The following ZNF662 variants were observed in gnomAD, a reference collection of about 807,000 sequenced individuals.
ZNF662 encodes the protein zinc finger protein 662.
In ZNF662, 14 loss-of-function variants were observed where a neutral mutation model predicts 12.4. That is an observed-to-expected ratio of 1.13 (90% CI 0.75 to 1.77). ZNF662 has a LOEUF of 1.77. Among genes scored for constraint, ZNF662 ranks in the 40% most tolerant of loss-of-function variants. ZNF662 has a pLI of 0.00. For missense variants in ZNF662, 550 were observed against 515.6 expected (o/e 1.07, Z -0.65); for synonymous variants, 184 against 176.4 (o/e 1.04, Z -0.34).
At chr3:42,912,657 T>TATATATATTTTTATATATATAA (rs1559381493) in intron 3 of ZNF662, among the ~76,000 whole-genome samples, 2 of 67,476 alleles carry the variant, frequency 3.0e-5, no homozygotes, top group African/African-American at 1.0e-4. Flanking sequence ...TATATAAATA[T>TATATATATTTTTATATATATAA]ATATATATAT....
In ZNF662 at chr3:42,914,883, T is replaced by C. The variant is rs1292203824; in HGVS notation, c.810T>C (p.His270=). ...ACCTGATTCGTCACCAGAGAATACA[T>C]ACTGGAGAGAAACCCTTTGAATGTA... The part of the protein sequence containing the change: ...KSNLIRHQRI[H]TGEKPFECKE... The change falls in exon 5 of 5, where the codon CAT becomes CAC. Residue 270 remains histidine (H), a synonymous_variant. Transcript: ENST00000440367. 9 of 1,614,152 alleles carry C rather than the reference T, an allele frequency of 5.6e-6. No homozygotes were observed. The highest frequency in any genetic ancestry group is 6.8e-6 in the Non-Finnish European group (8 of 1,180,020).
In ZNF662 at chr3:42,916,811, A is replaced by G. The variant is rs1245691281; in HGVS notation, c.*1457A>G. On this transcript the variant is annotated 3_prime_UTR_variant, in exon 5 of 5. Transcript: ENST00000440367. Reference sequence around the variant, plus strand: ...TGCTTCCTATCCTAAATCCTCTTCCAGTCTGTCCATCCCTCACTACCATGA... The same window carrying G: ...TGCTTCCTATCCTAAATCCTCTTCCGGTCTGTCCATCCCTCACTACCATGA... The G allele has an allele frequency of 6.6e-6, 1 of 152,146 alleles. No homozygotes were observed. Among genetic ancestry groups the G allele is most frequent in the Admixed American group, 6.5e-5 (1 of 15,276 alleles). 9.4% of individuals were successfully genotyped at this position (152,146 alleles called of 1,614,324 possible).
At position 42,914,603 on chromosome 3, in the gene ZNF662, ACCT is replaced by A. The variant is rs1315078355; in HGVS notation, c.534_536del (p.Leu179del). 5 of 1,614,116 alleles carry A rather than the reference ACCT, an allele frequency of 3.1e-6. No individual in the cohort carries two copies. In the Admixed American group the frequency reaches 8.3e-5, roughly 27 times the overall value. On this transcript the variant is annotated inframe_deletion, in exon 5 of 5. Coordinates refer to ENST00000440367, the MANE Select transcript of ZNF662 (RefSeq NM_207404.4). ...AGTTCAGGGAATACTGATGTCAATAACCTCCTTGGTATACATCACAAAATTCTA... is the reference window on the plus strand; with the variant it reads ...AGTTCAGGGAATACTGATGTCAATAACCTTGGTATACATCACAAAATTCTA...
chr3:42,917,377 A>G lies in ZNF662; in HGVS notation c.*2023A>G. The G allele has an allele frequency of 3.2e-6, 2 of 626,156 alleles. No homozygotes were observed. The highest frequency in any genetic ancestry group is 5.6e-6 in the Non-Finnish European group (2 of 355,194). 38.8% of individuals were successfully genotyped at this position (626,156 alleles called of 1,614,324 possible). On this transcript the variant is annotated 3_prime_UTR_variant, in exon 5 of 5. Transcript: ENST00000440367. ...ATCGAGAGCTACCAGAGGAGATATT[A>G]TCTGTCCTCTGTGTGGCACATAGGA... is the stretch of plus-strand genomic sequence containing the variant.
chr3:42,913,128 C>T lies in ZNF662; in HGVS notation c.152-73C>T, dbSNP rs527731227. On this transcript the variant is annotated intron_variant, in intron 3 of 4. Transcript: ENST00000440367. ...ACCTTTATTCTCTCCCTACCACTTC[C>T]ATGTCTGCTCTTTTCCTGATGGGCC... The T allele has an allele frequency of 3.0e-5, 32 of 1,064,792 alleles. No homozygotes were observed. The Admixed American group carries it at 3.0e-4, about 10-fold the overall frequency. 66.0% of individuals were successfully genotyped at this position (1,064,792 alleles called of 1,614,324 possible).
Position 42,912,638 on chromosome 3 carries a change from T to G in ZNF662, c.152-563T>G, listed in dbSNP as rs1347747565. Among the ~76,000 whole-genome samples, 13 of 75,022 alleles carry G rather than the reference T, an allele frequency of 1.7e-4. 1 individual carries two copies. The highest frequency in any genetic ancestry group is 7.5e-3 in the Middle Eastern group (1 of 134). 49.2% of individuals were successfully genotyped at this position (75,022 alleles called of 152,430 possible). ...TTTCTATAAAATATATATTTATATATTTTATATATATATAAATATATATAT... is the reference window on the plus strand; with the variant it reads ...TTTCTATAAAATATATATTTATATAGTTTATATATATATAAATATATATAT... On this transcript the variant is annotated intron_variant, in intron 3 of 4. Transcript: ENST00000440367.
intron 2 of ZNF662, chr3:42,908,544 T>C: frequency 7.6e-7 from 1 of 1,317,546 alleles, no homozygotes; most frequent in Non-Finnish European, 9.7e-7. Context: ...AATTGAGGAC[T>C]CAATTCCTCA....
intron 4 of ZNF662, 95 bp downstream of exon 4, chr3:42,913,397 T>A: frequency 1.0e-6 from 1 of 984,132 alleles, no homozygotes; most frequent in Non-Finnish European, 1.6e-6. Flanking sequence ...ATTCATGTTC[T>A]AAACAAATAT....
chr3:42,912,572 A>G (rs1212806314), intron 3 of ZNF662, among the ~76,000 whole-genome samples: 35 of 9,982 alleles, frequency 3.5e-3, no homozygotes, highest in African/African-American at 4.6e-3. Flanking sequence ...ATATAAATAC[A>G]TATTTTATAT....
chr3:42,906,876 A>G lies in ZNF662; in HGVS notation c.-94+708A>G, dbSNP rs2088689310. On this transcript the variant is annotated intron_variant, in intron 1 of 4. Transcript: ENST00000440367. The surrounding 1 kb of genome is among the most constrained non-coding windows in gnomAD (Gnocchi z 4.4). ...CAATGCAATGGTGAGAGGATCGGAG[A>G]TGAGAGTGGTGGTGGCTGATGATCC... 6.6e-6 allele frequency among the ~76,000 whole-genome samples: 1 copy of G among 152,154 alleles called. No homozygotes were observed. Among genetic ancestry groups the G allele is most frequent in the African/African-American group, 2.4e-5 (1 of 41,438 alleles).
At chr3:42,911,523 A>G (rs1486699532) in intron 3 of ZNF662, among the ~76,000 whole-genome samples, 4 of 152,184 alleles carry the variant, frequency 2.6e-5, no homozygotes, top group African/African-American at 9.7e-5. Context: ...CAAAATTCTA[A>G]CTCTCTGACG....
Position 42,919,328 on chromosome 3 carries a change from T to C in ZNF662, c.*3974T>C, listed in dbSNP as rs1356457431. 6.6e-6 allele frequency among the ~76,000 whole-genome samples: 1 copy of C among 152,230 alleles called. No homozygotes were observed. Among genetic ancestry groups the C allele is most frequent in the African/African-American group, 2.4e-5 (1 of 41,450 alleles). On this transcript the variant is annotated 3_prime_UTR_variant, in exon 5 of 5. Transcript: ENST00000440367. ...GAGTTGTTTGCAAAATAAACTTTAG[T>C]CTTGTATTTGGTCTGATTATTTGCA...
At chr3:42,908,239 C>T in intron 2 of ZNF662, 91 bp downstream of exon 2, 2 of 1,508,570 alleles carry the variant, frequency 1.3e-6, no homozygotes, top group South Asian at 1.4e-5. Context: ...TGATAACCCT[C>T]AGCTCAATGG....
At position 42,908,005 on chromosome 3, in the gene ZNF662, A is replaced by G. The variant is rs2088707016; in HGVS notation, c.-93-17A>G. On this transcript the variant is annotated splice_polypyrimidine_tract_variant and intron_variant, in intron 1 of 4. Coordinates refer to ENST00000440367, the MANE Select transcript of ZNF662 (RefSeq NM_207404.4). ...TCCTGGGGTTGTCCTAGGGCATTTA[A>G]ACACATGTTGTTTCAGGAGTCAGTG... 1 of 1,613,998 alleles carries G rather than the reference A, an allele frequency of 6.2e-7. No homozygotes were observed. The highest frequency in any genetic ancestry group is 1.1e-5 in the South Asian group (1 of 91,042).
At chr3:42,910,239 G>A (rs1322305114) in intron 3 of ZNF662, among the ~76,000 whole-genome samples, 3 of 152,158 alleles carry the variant, frequency 2.0e-5, no homozygotes, top group South Asian at 2.1e-4. Context: ...GCAATCCCAG[G>A]CACTCGGCAG....
rs1296878002 is a variant in ZNF662 at position 42,914,311 on chromosome 3, C to T, written c.254-16C>T. 2 of 1,572,058 alleles carry T rather than the reference C, an allele frequency of 1.3e-6. No individual in the cohort carries two copies. Among genetic ancestry groups the T allele is most frequent in the African/African-American group, 1.4e-5 (1 of 72,638 alleles). Reference sequence around the variant, plus strand: ...TGGATAATGATGACATTTGAAGCTCCAATTTCTTTTTTCAGAGGGTGTGTT... The same window carrying T: ...TGGATAATGATGACATTTGAAGCTCTAATTTCTTTTTTCAGAGGGTGTGTT... On this transcript the variant is annotated splice_polypyrimidine_tract_variant and intron_variant, in intron 4 of 4. Transcript: ENST00000440367.
rs2088887167 is a variant in ZNF662, at chr3:42,915,348, A to C, written c.1275A>C (p.Glu425Asp). Residue 425 changes from glutamate to aspartate, a missense_variant, in exon 5 of 5, where the codon GAA becomes GAC. Physicochemically the swap from Glu to Asp is conservative, Grantham distance 45. Coordinates refer to ENST00000440367, the MANE Select transcript of ZNF662 (RefSeq NM_207404.4). The part of the protein sequence containing the change: ...PYNCQISHLL[E>D]H ...ACTGTCAGATCTCTCACCTTCTTGA[A>C]CATTAGAGAGTGCATAATGGTGATA... 1 of 1,563,040 alleles carries C rather than the reference A, an allele frequency of 6.4e-7. No homozygotes were observed. The highest frequency in any genetic ancestry group is 1.4e-5 in the African/African-American group (1 of 72,938).
intron 3 of ZNF662, among the ~76,000 whole-genome samples, chr3:42,911,141 A>G (rs1334204399): frequency 6.6e-6 from 1 of 152,186 alleles, no homozygotes; most frequent in Non-Finnish European, 1.5e-5. Flanking sequence ...ACTCTAATGG[A>G]CTACCTTAAG....
Position 42,918,931 on chromosome 3 carries a change from A to G in ZNF662, c.*3577A>G, listed in dbSNP as rs1261641826. Among the ~76,000 whole-genome samples the G allele has an allele frequency of 3.9e-5, 6 of 152,208 alleles. No homozygotes were observed. Among genetic ancestry groups the G allele is most frequent in the African/African-American group, 1.4e-4 (6 of 41,460 alleles). On this transcript the variant is annotated 3_prime_UTR_variant, in exon 5 of 5. Transcript: ENST00000440367. ...TGACACACCCAGATAACTGGTAGCT[A>G]TAGTTATGCCTGCTAAGATTGGGGT...
Sources: gnomAD v4.1 joint callset for allele counts (sites outside exome capture counted in the v4.1 genomes callset) on GRCh38, gnomAD v4.1.1 for gene constraint, Gnocchi (gnomAD v3.1) non-coding constraint, MANE v1.5 for transcripts, NCBI Gene and HGNC (gene_info 2026-07-23, HGNC 2026-07-21) for gene names.